ZSWIM6: variants seen among roughly 807,000 people sequenced by gnomAD.
ZSWIM6 encodes zinc finger SWIM domain-containing protein 6.
ZSWIM6 carries 9 observed loss-of-function variants against 113.2 expected under a neutral mutation model. The observed-to-expected ratio is 0.08, with a 90% CI of 0.05 to 0.14. ZSWIM6 has a LOEUF of 0.14. Ranked by LOEUF, ZSWIM6 falls within the 10% of genes least tolerant of loss-of-function variation. The pLI, the probability that ZSWIM6 is intolerant of heterozygous loss-of-function variation, is 1.00. For missense variants in ZSWIM6, 1,162 were observed against 1,552.2 expected (o/e 0.75, Z 4.22); for synonymous variants, 611 against 606.5 (o/e 1.01, Z -0.11).
intron 1 of ZSWIM6, among the ~76,000 whole-genome samples, chr5:61,353,583 A>G (rs1273791671): frequency 6.6e-6 from 1 of 152,166 alleles, no homozygotes; most frequent in Non-Finnish European, 1.5e-5. Flanking sequence ...GCAGTGTTTC[A>G]CTACTTCTGA....
chr5:61,372,914 A>AT lies in ZSWIM6; in HGVS notation c.676+39972dup, dbSNP rs147626025. 5.9e-4 allele frequency among the ~76,000 whole-genome samples: 89 copies of AT among 152,042 alleles called. 2 individuals carry two copies. The East Asian group carries it at 0.014, about 24-fold the overall frequency. On this transcript the variant is annotated intron_variant, in intron 1 of 13. Transcript: ENST00000252744. ...TTATTTAATTTAGATATGAATTAAG[A>AT]TTTTTTGTGTTTAATTTGTAGGAAC...
In ZSWIM6 at chr5:61,472,901, C is replaced by A. The variant is rs1170690179; in HGVS notation, c.897C>A (p.Leu299=). 1.3e-6 allele frequency: 2 copies of A among 1,551,680 alleles called. No individual in the cohort carries two copies. The highest frequency in any genetic ancestry group is 2.4e-5 in the South Asian group (2 of 84,064). ...VKLHLPISET[L]FQMNRDQLQK... ...TGCATCTTCCTATTTCAGAGACTCT[C>A]TTTCAAATGAATAGAGACCAACTGC... The change falls in exon 2 of 14, where the codon CTC becomes CTA. Residue 299 remains leucine (L), a synonymous_variant. Coordinates refer to ENST00000252744, the MANE Select transcript of ZSWIM6 (RefSeq NM_020928.2). The surrounding 1 kb of genome is among the most constrained non-coding windows in gnomAD (Gnocchi z 4.1).
intron 1 of ZSWIM6, among the ~76,000 whole-genome samples, chr5:61,338,133 C>G (rs759246599): frequency 3.4e-5 from 5 of 148,180 alleles, no homozygotes; most frequent in Non-Finnish European, 7.4e-5. Flanking sequence ...TTCTTACACT[C>G]TTTTCATATT....
At chr5:61,423,421 C>CA (rs57590872) in intron 1 of ZSWIM6, among the ~76,000 whole-genome samples, 2,825 of 137,694 alleles carry the variant, frequency 0.021, 33 homozygotes, top group Non-Finnish European at 0.029. Flanking sequence ...AAAAAAAACA[C>CA]AAAAAAAAAA....
intron 5 of ZSWIM6, among the ~76,000 whole-genome samples, chr5:61,521,993 G>A (rs914106898): frequency 2.0e-5 from 3 of 151,996 alleles, no homozygotes; most frequent in African/African-American, 7.3e-5. Context: ...CCCACCTGCT[G>A]TAGGCTAATA....
chr5:61,350,817 A>G (rs1470794212), intron 1 of ZSWIM6, among the ~76,000 whole-genome samples: 2 of 152,182 alleles, frequency 1.3e-5, no homozygotes, highest in East Asian at 3.9e-4. Flanking sequence ...AAATGGGACT[A>G]ATTATATCTT....
intron 1 of ZSWIM6, among the ~76,000 whole-genome samples, chr5:61,354,832 C>A (rs1744866163): frequency 6.6e-6 from 1 of 152,154 alleles, no homozygotes; most frequent in Non-Finnish European, 1.5e-5. Context: ...CCTCTGTATT[C>A]AGTGACTTAT....
intron 2 of ZSWIM6, among the ~76,000 whole-genome samples, chr5:61,473,757 A>T (rs1747639207): frequency 6.6e-6 from 1 of 152,204 alleles, no homozygotes; most frequent in Admixed American, 6.5e-5. Flanking sequence ...ACATAATTTT[A>T]AAAATATTTA....
At chr5:61,537,411 G>A (rs961247990) in intron 10 of ZSWIM6, among the ~76,000 whole-genome samples, 1 of 152,196 alleles carries the variant, frequency 6.6e-6, no homozygotes, top group Non-Finnish European at 1.5e-5. Context: ...GAGAGATGTA[G>A]CTCGCATGCT....
At chr5:61,399,869 C>T (rs1441023733) in intron 1 of ZSWIM6, among the ~76,000 whole-genome samples, 1 of 152,168 alleles carries the variant, frequency 6.6e-6, no homozygotes, top group African/African-American at 2.4e-5. Flanking sequence ...GAAAACTGCC[C>T]TCTGGTCCTG....
chr5:61,350,614 T>C (rs548261380), intron 1 of ZSWIM6, among the ~76,000 whole-genome samples: 3 of 152,366 alleles, frequency 2.0e-5, no homozygotes, highest in Admixed American at 6.5e-5. Flanking sequence ...TGTATTGTTT[T>C]AGCAATCTTA....
In ZSWIM6 at chr5:61,332,330, G is replaced by GGCGGCGGCGGCGGCGGGGGCAGCA. The variant is rs1216384783; in HGVS notation, c.75_98dup (p.Gly26_Gly33dup). The GGCGGCGGCGGCGGCGGGGGCAGCA allele has an allele frequency of 4.1e-6, 4 of 977,042 alleles. No homozygotes were observed. In the African/African-American group the frequency reaches 6.9e-5, roughly 17 times the overall value. The allele number at this position is 977,042 out of a possible 1,614,324, so 60.5% of individuals were successfully genotyped here. ...GAAACGGCTTTGCTGCCGGCCGGGC[G>GGCGGCGGCGGCGGCGGGGGCAGCA]GCGGCGGCGGCGGCGGGGGCAGCAG... On this transcript the variant is annotated inframe_insertion, in exon 1 of 14. Coordinates refer to ENST00000252744, the MANE Select transcript of ZSWIM6 (RefSeq NM_020928.2).
chr5:61,526,455 G>A lies in ZSWIM6; in HGVS notation c.1837+59G>A. On this transcript the variant is annotated intron_variant, in intron 7 of 13. Transcript: ENST00000252744. ...GGATTCTTAGTGATGACATTACTAG[G>A]TTTTGTGTTCTGGGAGAGATGGCTT... 7.2e-6 allele frequency: 11 copies of A among 1,538,144 alleles called. No homozygotes were observed. The South Asian group carries it at 1.2e-4, about 17-fold the overall frequency.
chr5:61,407,352 G>C (rs2112109455), intron 1 of ZSWIM6, among the ~76,000 whole-genome samples: 1 of 152,250 alleles, frequency 6.6e-6, no homozygotes, highest in Non-Finnish European at 1.5e-5. Flanking sequence ...AAAAATATTT[G>C]AAGAAATCAC....
At chr5:61,405,243 C>T (rs1746020668) in intron 1 of ZSWIM6, among the ~76,000 whole-genome samples, 1 of 152,122 alleles carries the variant, frequency 6.6e-6, no homozygotes, top group Non-Finnish European at 1.5e-5. Context: ...CTGTAAACTC[C>T]AACCACCAAA....
intron 4 of ZSWIM6, among the ~76,000 whole-genome samples, chr5:61,506,452 G>A (rs944943665): frequency 4.6e-5 from 7 of 151,822 alleles, no homozygotes; most frequent in Admixed American, 3.9e-4. Flanking sequence ...ATGTGGTGGC[G>A]CACACTTGTA....
chr5:61,531,854 T>C lies in ZSWIM6; in HGVS notation c.2245+129T>C, dbSNP rs183349871. The C allele has an allele frequency of 1.5e-4, 158 of 1,024,664 alleles. No homozygotes were observed. The Admixed American group carries it at 2.0e-3, about 13-fold the overall frequency. The allele number at this position is 1,024,664 out of a possible 1,614,324, so 63.5% of individuals were successfully genotyped here. A position where few individuals can be genotyped will look rare whatever the true frequency, so the allele number is the denominator to read the frequency against. On this transcript the variant is annotated intron_variant, in intron 9 of 13. Transcript: ENST00000252744. ...TCCTGATTGCTATAGTCATGGGGTA[T>C]CAAAGACATGTTCGCTGTCTAAAAA...
chr5:61,334,093 A>T (rs1039655396), intron 1 of ZSWIM6, among the ~76,000 whole-genome samples: 1 of 152,228 alleles, frequency 6.6e-6, no homozygotes, highest in African/African-American at 2.4e-5. Flanking sequence ...CAGGGCTTGT[A>T]AAGTAGAATA....
intron 4 of ZSWIM6, among the ~76,000 whole-genome samples, chr5:61,494,647 G>A (rs1214228842): frequency 6.6e-6 from 1 of 151,744 alleles, no homozygotes; most frequent in African/African-American, 2.4e-5. Flanking sequence ...TTAAGTGCAG[G>A]AATCTCCCTT....
Sources: allele counts gnomAD v4.1 joint callset (sites outside exome capture counted in the v4.1 genomes callset), GRCh38; gene constraint gnomAD v4.1.1; non-coding constraint Gnocchi (gnomAD v3.1); transcripts MANE v1.5; gene names NCBI Gene and HGNC (gene_info 2026-07-23, HGNC 2026-07-21).